Variants in TMPRSS12 observed in about 807,000 individuals in gnomAD.
TMPRSS12 encodes transmembrane protease serine 12.
TMPRSS12 carries 25 observed loss-of-function variants against 26.0 expected under a neutral mutation model. The observed-to-expected ratio is 0.96, with a 90% CI of 0.70 to 1.34. The LOEUF is 1.34. Ranked by LOEUF, TMPRSS12 falls within the 40% of genes most tolerant of loss-of-function variation. The pLI, the probability that TMPRSS12 is intolerant of heterozygous loss-of-function variation, is 0.00. For synonymous variants in TMPRSS12, 150 were observed against 161.7 expected (o/e 0.93, Z 0.55); for missense variants, 441 against 440.1 (o/e 1.00, Z -0.02).
At chr12:50,880,476 T>A (rs925780745) in intron 3 of TMPRSS12, among the ~76,000 whole-genome samples, 1 of 152,050 alleles carries the variant, frequency 6.6e-6, no homozygotes, top group African/African-American at 2.4e-5. Flanking sequence ...GACTAACAAA[T>A]CAAGTGTTAG....
At chr12:50,845,186 A>C (rs1389462918) in intron 2 of TMPRSS12, among the ~76,000 whole-genome samples, 1 of 152,198 alleles carries the variant, frequency 6.6e-6, no homozygotes, top group Non-Finnish European at 1.5e-5. Context: ...TTTTGTGGCC[A>C]AATGCTGTTA....
At chr12:50,851,136 C>G (rs985533809) in intron 2 of TMPRSS12, among the ~76,000 whole-genome samples, 5 of 152,152 alleles carry the variant, frequency 3.3e-5, no homozygotes, top group Non-Finnish European at 5.9e-5. Context: ...CCTGGCAACC[C>G]AAAAAGCCAG....
At chr12:50,861,494 C>T (rs898933875) in intron 3 of TMPRSS12, among the ~76,000 whole-genome samples, 2 of 150,682 alleles carry the variant, frequency 1.3e-5, no homozygotes. Context: ...AATTCTGAAT[C>T]CCAGCCTGCT....
Position 50,843,073 on chromosome 12 carries a change from C to G in TMPRSS12, c.109C>G (p.Pro37Ala). 1 of 1,588,938 alleles carries G rather than the reference C, an allele frequency of 6.3e-7. No individual in the cohort carries two copies. The highest frequency in any genetic ancestry group is 8.6e-7 in the Non-Finnish European group (1 of 1,168,300). Residue 37 changes from proline (P) to alanine (A), a missense_variant, in exon 1 of 5, where the codon CCG (proline) becomes GCG (alanine). By Grantham distance (27) the Pro-to-Ala change is conservative. Transcript: ENST00000398458. Reference protein sequence around the residue: ...GRHRLGPSPEPAASSQQAEAV... With the variant: ...GRHRLGPSPEAAASSQQAEAV... ...GCACAGGCTCGGCCCCTCGCCGGAA[C>G]CGGCGGCTAGTTCCCAGCAGGCTGA...
At chr12:50,847,398 TG>T (rs1937780846) in intron 2 of TMPRSS12, among the ~76,000 whole-genome samples, 1 of 152,152 alleles carries the variant, frequency 6.6e-6, no homozygotes, top group South Asian at 2.1e-4. Context: ...CAGAGCAATA[TG>T]GGGAAGTCCA....
intron 2 of TMPRSS12, among the ~76,000 whole-genome samples, chr12:50,851,789 C>A (rs1937828780): frequency 6.6e-6 from 1 of 152,148 alleles, no homozygotes; most frequent in Non-Finnish European, 1.5e-5. Context: ...TTAAAGGCAA[C>A]TAGAGAGAAA....
chr12:50,881,837 G>T (rs1057384080), intron 3 of TMPRSS12, among the ~76,000 whole-genome samples: 3 of 150,384 alleles, frequency 2.0e-5, no homozygotes, highest in Non-Finnish European at 3.0e-5. Flanking sequence ...TGGGCGTGGT[G>T]GCGTGAGCCT....
At chr12:50,872,748 C>CTATATATGTACATATATATGACG (rs1565935909) in intron 3 of TMPRSS12, among the ~76,000 whole-genome samples, 18 of 48,008 alleles carry the variant, frequency 3.7e-4, no homozygotes, top group African/African-American at 1.4e-3. Context: ...ATATATACGT[C>CTATATATGTACATATATATGACG]TATATATGTA....
intron 3 of TMPRSS12, among the ~76,000 whole-genome samples, chr12:50,884,766 G>A (rs1938206662): frequency 6.6e-6 from 1 of 152,042 alleles, no homozygotes; most frequent in African/African-American, 2.4e-5. Context: ...CAGCTACTCA[G>A]GAGGCTGAGG....
chr12:50,875,965 C>A (rs912818461), intron 3 of TMPRSS12, among the ~76,000 whole-genome samples: 41 of 152,186 alleles, frequency 2.7e-4, no homozygotes, highest in Non-Finnish European at 4.9e-4. Context: ...AGGAAACAGA[C>A]AACCTACAGA....
chr12:50,878,988 A>G (rs11169598), intron 3 of TMPRSS12, among the ~76,000 whole-genome samples: 84,893 of 152,014 alleles, frequency 0.56, 23,846 homozygotes, highest in East Asian at 0.65. Flanking sequence ...GGAAGTCACA[A>G]CTTATGAACC....
chr12:50,864,328 G>T (rs543527271), intron 3 of TMPRSS12, among the ~76,000 whole-genome samples: 1 of 151,934 alleles, frequency 6.6e-6, no homozygotes, highest in Non-Finnish European at 1.5e-5. Flanking sequence ...CAGTGAAATC[G>T]AATGGATTAC....
chr12:50,851,375 T>C (rs1182963744), intron 2 of TMPRSS12, among the ~76,000 whole-genome samples: 1 of 152,112 alleles, frequency 6.6e-6, no homozygotes, highest in East Asian at 1.9e-4. Flanking sequence ...AACTGATCTA[T>C]AGAGTTAAAA....
At chr12:50,881,842 G>A (rs1486237012) in intron 3 of TMPRSS12, among the ~76,000 whole-genome samples, 2 of 149,688 alleles carry the variant, frequency 1.3e-5, no homozygotes, top group East Asian at 2.0e-4. Context: ...GTGGTGGCGT[G>A]AGCCTGTAAT....
Position 50,842,980 on chromosome 12 carries a change from C to G in TMPRSS12, c.16C>G (p.Leu6Val). 6.3e-7 allele frequency: 1 copy of G among 1,592,294 alleles called. No homozygotes were observed. The highest frequency in any genetic ancestry group is 8.6e-7 in the Non-Finnish European group (1 of 1,168,740). The change falls in exon 1 of 5, where the codon CTG (leucine) becomes GTG (valine). Residue 6 changes from leucine to valine, a missense_variant. Transcript: ENST00000398458. MRLGL[L>V]SVALLFVGSS... ...AGCCTCCAAAATGCGGCTGGGGCTCCTGAGCGTGGCGCTGTTGTTTGTGGG... is the reference window on the plus strand; with the variant it reads ...AGCCTCCAAAATGCGGCTGGGGCTCGTGAGCGTGGCGCTGTTGTTTGTGGG...
Position 50,877,033 on chromosome 12 carries a change from A to G in TMPRSS12, c.653-8213A>G, listed in dbSNP as rs200821157. Among the ~76,000 whole-genome samples, 19 of 152,184 alleles carry G rather than the reference A, an allele frequency of 1.2e-4. No individual in the cohort carries two copies. In the East Asian group the frequency reaches 3.5e-3, roughly 28 times the overall value. ...ACTCATGGACATAAAGGTGGTCACAAAAGACACCAGGGACTACTAAAAGAG... is the reference window on the plus strand; with the variant it reads ...ACTCATGGACATAAAGGTGGTCACAGAAGACACCAGGGACTACTAAAAGAG... On this transcript the variant is annotated intron_variant, in intron 3 of 4. Coordinates refer to ENST00000398458, the MANE Select transcript of TMPRSS12 (RefSeq NM_182559.3).
At chr12:50,864,742 C>T (rs566966432) in intron 3 of TMPRSS12, among the ~76,000 whole-genome samples, 1 of 152,250 alleles carries the variant, frequency 6.6e-6, no homozygotes, top group South Asian at 2.1e-4. Flanking sequence ...ACTGCAAGCT[C>T]CACCTCCAGG....
At chr12:50,853,304 AT>A (rs1317195202) in intron 2 of TMPRSS12, among the ~76,000 whole-genome samples, 6 of 152,296 alleles carry the variant, frequency 3.9e-5, no homozygotes, top group African/African-American at 1.4e-4. Flanking sequence ...ACATACCAGA[AT>A]CTCTGGCAAA....
intron 2 of TMPRSS12, among the ~76,000 whole-genome samples, chr12:50,850,058 GTTA>G (rs1173368044): frequency 6.6e-6 from 1 of 152,180 alleles, no homozygotes; most frequent in East Asian, 1.9e-4. Context: ...ATTCATCCAT[GTTA>G]TTATGTGTGT....
Sources: allele counts gnomAD v4.1 joint callset (sites outside exome capture counted in the v4.1 genomes callset), GRCh38; gene constraint gnomAD v4.1.1; transcripts MANE v1.5; gene names NCBI Gene and HGNC (gene_info 2026-07-23, HGNC 2026-07-21).